RTTN: variants seen among roughly 807,000 people sequenced by gnomAD.
RTTN encodes rotatin.
In RTTN, 182 loss-of-function variants were observed where a neutral mutation model predicts 269.2. The ratio of observed to expected loss-of-function variants is 0.68; its 90% CI spans 0.60 to 0.76. The LOEUF is 0.76. Among genes scored for constraint, RTTN ranks in the 30% least tolerant of loss-of-function variants. RTTN has a pLI of 0.00. For missense variants in RTTN, 2,545 were observed against 2,608.6 expected (o/e 0.98, Z 0.53); for synonymous variants, 1,006 against 963.5 (o/e 1.04, Z -0.82).
intron 17 of RTTN, among the ~76,000 whole-genome samples, chr18:70,146,022 T>C (rs1012753175): frequency 6.6e-6 from 1 of 152,180 alleles, no homozygotes; most frequent in Admixed American, 6.5e-5. Context: ...TAACTACAAA[T>C]GAGACAGACT....
intron 10 of RTTN, among the ~76,000 whole-genome samples, chr18:70,187,603 C>G (rs1440039930): frequency 6.6e-6 from 1 of 152,104 alleles, no homozygotes; most frequent in African/African-American, 2.4e-5. Context: ...TGAGATTAGT[C>G]TATCTCAAAA....
chr18:70,190,417 C>G, intron 9 of RTTN, 121 bp downstream of exon 9: 2 of 591,250 alleles, frequency 3.4e-6, no homozygotes, highest in South Asian at 7.9e-5. Context: ...ATTTATATCC[C>G]AAAAGATAAG....
intron 32 of RTTN, among the ~76,000 whole-genome samples, chr18:70,078,069 A>C (rs1428233492): frequency 6.6e-6 from 1 of 151,940 alleles, no homozygotes; most frequent in Non-Finnish European, 1.5e-5. Flanking sequence ...CAAATCTTCA[A>C]ATTAAGGAGC....
intron 26 of RTTN, among the ~76,000 whole-genome samples, chr18:70,119,686 C>G (rs1408449757): frequency 6.6e-6 from 1 of 152,186 alleles, no homozygotes; most frequent in Non-Finnish European, 1.5e-5. Flanking sequence ...TACAATTTGA[C>G]TCAGCAATTA....
chr18:70,054,376 A>T lies in RTTN; in HGVS notation c.5032-92T>A. On this transcript the variant is annotated intron_variant, in intron 37 of 48. Coordinates refer to ENST00000640769, the MANE Select transcript of RTTN (RefSeq NM_173630.4). Reference sequence around the variant, plus strand: ...ATTTTACTTTTGTAACACAATAAAAAATAAAATATTAACCATAATTTTTCA... The same window carrying T: ...ATTTTACTTTTGTAACACAATAAAATATAAAATATTAACCATAATTTTTCA... 3 of 1,184,774 alleles carry T rather than the reference A, an allele frequency of 2.5e-6. No individual in the cohort carries two copies. In the South Asian group the frequency reaches 5.1e-5, roughly 20 times the overall value. 73.4% of individuals were successfully genotyped at this position (1,184,774 alleles called of 1,614,324 possible).
chr18:70,161,904 G>T (rs1159209119), intron 14 of RTTN, among the ~76,000 whole-genome samples: 1 of 152,172 alleles, frequency 6.6e-6, no homozygotes, highest in African/African-American at 2.4e-5. Flanking sequence ...CCTATACACT[G>T]CTTGTGGGAA....
At chr18:70,129,736 C>T (rs2059952161) in intron 23 of RTTN, 1 of 151,846 alleles carries the variant, frequency 6.6e-6, no homozygotes. Flanking sequence ...TTAAGTAAGA[C>T]CTCAAAAACA....
At chr18:70,108,515 A>T (rs2059382185) in intron 28 of RTTN, among the ~76,000 whole-genome samples, 1 of 152,174 alleles carries the variant, frequency 6.6e-6, no homozygotes, top group Non-Finnish European at 1.5e-5. Flanking sequence ...AATGATTTTG[A>T]TTATTAAAAA....
At position 70,006,419 on chromosome 18, in the gene RTTN, C is replaced by T. The variant is rs1420136449; in HGVS notation, c.6487G>A (p.Ala2163Thr). 3.7e-6 allele frequency: 6 copies of T among 1,613,932 alleles called. No homozygotes were observed. The highest frequency in any genetic ancestry group is 1.7e-5 in the Admixed American group (1 of 60,010). ...SENQNAQRIG[A>T]AALWALIYNY... The stretch of plus-strand genomic sequence containing the variant: ...TAAATCAGAGCCCAAAGGGCAGCTG[C>T]TCCAATCCTCTGAGCATTTTGATTC... Residue 2163 changes from alanine to threonine, a missense_variant, in exon 47 of 49, where the codon GCA becomes ACA. By Grantham distance (58) the Ala-to-Thr change is moderately conservative. Coordinates refer to ENST00000640769, the MANE Select transcript of RTTN (RefSeq NM_173630.4).
At chr18:70,067,083 A>C (rs988762836) in intron 34 of RTTN, among the ~76,000 whole-genome samples, 1 of 152,198 alleles carries the variant, frequency 6.6e-6, no homozygotes, top group East Asian at 1.9e-4. Context: ...TAAATAAGTC[A>C]ATCATAAACA....
In RTTN at chr18:70,166,168, C is replaced by T. The variant is rs2060980942; in HGVS notation, c.1823G>A (p.Ser608Asn). Residue 608 changes from serine (S) to asparagine (N), a missense_variant, in exon 14 of 49, where the codon AGT (serine) becomes AAT (asparagine). By Grantham distance (46) the Ser-to-Asn change is conservative (BLOSUM62 1). Transcript: ENST00000640769. ...CSKIWKSAQA[S>N]PLLQGESQKV... ...CTGACTTTCTCCTTGTAGTAATGGACTGGCCTGAGCAGATTTCCAGCTGGT... is the reference window on the plus strand; with the variant it reads ...CTGACTTTCTCCTTGTAGTAATGGATTGGCCTGAGCAGATTTCCAGCTGGT... 1 of 1,612,030 alleles carries T rather than the reference C, an allele frequency of 6.2e-7. No homozygotes were observed. Among genetic ancestry groups the T allele is most frequent in the Non-Finnish European group, 8.5e-7 (1 of 1,178,764 alleles).
intron 28 of RTTN, among the ~76,000 whole-genome samples, chr18:70,100,437 C>T (rs755772212): frequency 3.9e-4 from 59 of 152,236 alleles, no homozygotes; most frequent in Non-Finnish European, 6.9e-4. Flanking sequence ...TTGTATCCTG[C>T]GACTTTGCTG....
chr18:70,195,513 A>C (rs2061783802), intron 7 of RTTN, among the ~76,000 whole-genome samples: 1 of 152,178 alleles, frequency 6.6e-6, no homozygotes, highest in African/African-American at 2.4e-5. Context: ...ACATTCTGTC[A>C]CATCACCCTT....
At chr18:70,128,636 C>G in intron 23 of RTTN, 90 bp from the exon 24 acceptor site, 1 of 944,054 alleles carries the variant, frequency 1.1e-6, no homozygotes, top group Non-Finnish European at 1.6e-6. Flanking sequence ...TAGTTCAATG[C>G]CTCCCAACCC....
At chr18:70,008,957 A>G (rs1366649757) in intron 46 of RTTN, 5 of 152,164 alleles carry the variant, frequency 3.3e-5, no homozygotes, top group Non-Finnish European at 7.3e-5. Context: ...AAGACACATA[A>G]TCATCAGATT....
At chr18:70,133,668 T>G (rs2060052725) in intron 23 of RTTN, among the ~76,000 whole-genome samples, 1 of 152,050 alleles carries the variant, frequency 6.6e-6, no homozygotes, top group African/African-American at 2.4e-5. Context: ...GCAAAAATAA[T>G]GTACAGCAAT....
At chr18:70,076,126 C>T (rs1301917409) in intron 32 of RTTN, among the ~76,000 whole-genome samples, 8 of 151,958 alleles carry the variant, frequency 5.3e-5, no homozygotes, top group Admixed American at 2.6e-4. Context: ...TGCTATTACA[C>T]AATTTTTCTC....
chr18:70,139,695 G>A lies in RTTN; in HGVS notation c.2692C>T (p.Pro898Ser), dbSNP rs370508173. 1 of 1,611,790 alleles carries A rather than the reference G, an allele frequency of 6.2e-7. No homozygotes were observed. Among genetic ancestry groups the A allele is most frequent in the Non-Finnish European group, 8.5e-7 (1 of 1,178,298 alleles). ...ACCTTCCTCAAGAGTGTGAGGCATG[G>A]TTGTACCAAACATTCTACAACCTGG... ...DGKVVECLVQ[P>S]CLTLLRKVLC... The change falls in exon 21 of 49, where the codon CCA becomes TCA. Residue 898 changes from proline (P) to serine (S), a missense_variant. Pro to Ser is a moderately conservative substitution (Grantham distance 74). Transcript: ENST00000640769.
chr18:70,049,302 T>C (rs910380574), intron 39 of RTTN, among the ~76,000 whole-genome samples: 8 of 152,198 alleles, frequency 5.3e-5, no homozygotes, highest in South Asian at 2.1e-4. Context: ...ATGCTTTCTA[T>C]TGATATTATT....
Sources: allele counts gnomAD v4.1 joint callset (sites outside exome capture counted in the v4.1 genomes callset), GRCh38; gene constraint gnomAD v4.1.1; transcripts MANE v1.5; gene names NCBI Gene and HGNC (gene_info 2026-07-23, HGNC 2026-07-21).